The following LYZ variants were observed in gnomAD, a reference collection of about 807,000 sequenced individuals.
The protein encoded by LYZ is lysozyme C.
LYZ carries 18 observed loss-of-function variants against 15.8 expected under a neutral mutation model. That is an observed-to-expected ratio of 1.14 (90% CI 0.79 to 1.69). The LOEUF (loss-of-function observed/expected upper bound fraction) is 1.69. LYZ is among the 40% of genes most tolerant of loss of function. LYZ has a pLI of 0.00. For synonymous variants in LYZ, 60 were observed against 61.7 expected (o/e 0.97, Z 0.13); for missense variants, 139 against 182.8 (o/e 0.76, Z 1.38).
In LYZ at chr12:69,352,218, A is replaced by G; in HGVS notation, c.302-2A>G. 1 of 1,612,228 alleles carries G rather than the reference A, an allele frequency of 6.2e-7. No homozygotes were observed. The highest frequency in any genetic ancestry group is 8.5e-7 in the Non-Finnish European group (1 of 1,178,304). On this transcript the variant is annotated splice_acceptor_variant, in intron 2 of 3. Transcript: ENST00000261267. LOFTEE classifies it high-confidence loss of function. ...TTTTATTCCTTACCACCTGTCTTTC[A>G]GCTTTGCTGCAAGATAACATCGCTG...
At chr12:69,350,814 A>C (rs905538267) in intron 2 of LYZ, among the ~76,000 whole-genome samples, 6 of 121,896 alleles carry the variant, frequency 4.9e-5, no homozygotes, top group African/African-American at 1.9e-4. Flanking sequence ...ATTTTGAGAC[A>C]GGGTCTCCCT....
chr12:69,350,351 G>C, intron 2 of LYZ, 79 bp downstream of exon 2: 1 of 1,431,926 alleles, frequency 7.0e-7, no homozygotes, highest in Non-Finnish European at 9.8e-7. Flanking sequence ...AGCCTTGAAA[G>C]GTTCATGAGG....
At position 69,353,170 on chromosome 12, in the gene LYZ, G is replaced by A. The variant is rs570121782; in HGVS notation, c.398G>A (p.Arg133His). ...GIRAWVAWRN[R>H]CQNRDVRQYV... Reference sequence around the variant, plus strand: ...TTCTACAGGGTGGCATGGAGAAATCGTTGTCAAAACAGAGATGTCCGTCAG... The same window carrying A: ...TTCTACAGGGTGGCATGGAGAAATCATTGTCAAAACAGAGATGTCCGTCAG... Residue 133 changes from arginine (R) to histidine (H), a missense_variant, in exon 4 of 4, where the codon CGT becomes CAT. Physicochemically the swap from Arg to His is conservative, Grantham distance 29. Coordinates refer to ENST00000261267, the MANE Select transcript of LYZ (RefSeq NM_000239.3). 23 of 1,613,974 alleles carry A rather than the reference G, an allele frequency of 1.4e-5. No individual in the cohort carries two copies. Among genetic ancestry groups the A allele is most frequent in the South Asian group, 1.3e-4 (12 of 91,082 alleles).
rs1874877283 is a variant in LYZ, at chr12:69,353,026, T to TA, written c.381-126dup. ...CATATCTTCATTTAATAAATAGCAATAGCTGGGTCTATCTTACTATTTTAT... is the reference window on the plus strand; with the variant it reads ...CATATCTTCATTTAATAAATAGCAATAAGCTGGGTCTATCTTACTATTTTAT... On this transcript the variant is annotated intron_variant, in intron 3 of 3. Transcript: ENST00000261267. 17 of 744,360 alleles carry TA rather than the reference T, an allele frequency of 2.3e-5. 1 individual carries two copies. The highest frequency in any genetic ancestry group is 2.1e-4 in the South Asian group (15 of 69,846). 46.1% of individuals were successfully genotyped at this position (744,360 alleles called of 1,614,324 possible). A position where few individuals can be genotyped will look rare whatever the true frequency, so the allele number is the denominator to read the frequency against.
rs367941288 is a variant in LYZ at position 69,351,429 on chromosome 12, C to A, written c.302-791C>A. On this transcript the variant is annotated intron_variant, in intron 2 of 3. Coordinates refer to ENST00000261267, the MANE Select transcript of LYZ (RefSeq NM_000239.3). Reference sequence around the variant, plus strand: ...GTCATTAAATAAAAATTAGAAAATACAAATAAGAAAAATAACACCCATAAT... The same window carrying A: ...GTCATTAAATAAAAATTAGAAAATAAAAATAAGAAAAATAACACCCATAAT... Among the ~76,000 whole-genome samples the A allele has an allele frequency of 2.0e-5, 3 of 151,560 alleles. No individual in the cohort carries two copies. The East Asian group carries it at 5.8e-4, about 29-fold the overall frequency.
intron 1 of LYZ, among the ~76,000 whole-genome samples, chr12:69,349,793 A>AT (rs1209061707): frequency 1.3e-5 from 2 of 152,128 alleles, no homozygotes; most frequent in Non-Finnish European, 2.9e-5. Context: ...AGCTCTGTTG[A>AT]TTTTTCTGTT....
In LYZ at chr12:69,352,302, T is replaced by C. The variant is rs1356683978; in HGVS notation, c.380+4T>C. On this transcript the variant is annotated splice_donor_region_variant and intron_variant, in intron 3 of 3. Coordinates refer to ENST00000261267, the MANE Select transcript of LYZ (RefSeq NM_000239.3). The stretch of plus-strand genomic sequence containing the variant: ...ATCCACAAGGCATTAGAGCATGGTA[T>C]GTTTTAAGTGTTAAAAGGGAAAACT... The C allele has an allele frequency of 2.5e-6, 4 of 1,609,242 alleles. No individual in the cohort carries two copies. Among genetic ancestry groups the C allele is most frequent in the South Asian group, 1.1e-5 (1 of 90,968 alleles).
At chr12:69,349,217 G>T (rs940185028) in intron 1 of LYZ, among the ~76,000 whole-genome samples, 1 of 152,126 alleles carries the variant, frequency 6.6e-6, no homozygotes, top group South Asian at 2.1e-4. Flanking sequence ...TGGCCAAGCT[G>T]GTCTTGAACT....
rs757816962 is a variant in LYZ, at chr12:69,353,262, T to G, written c.*43T>G. The G allele has an allele frequency of 2.5e-5, 35 of 1,416,842 alleles. No homozygotes were observed. In the East Asian group the frequency reaches 7.7e-4, roughly 31 times the overall value. 87.8% of individuals were successfully genotyped at this position (1,416,842 alleles called of 1,614,324 possible). A position where few individuals can be genotyped will look rare whatever the true frequency, so the allele number is the denominator to read the frequency against. ...TTCAGCTCATTTTGTCTCTCTCACA[T>G]TAAGGGAGTAGGAATTAAGTGAAAG... On this transcript the variant is annotated 3_prime_UTR_variant, in exon 4 of 4. Coordinates refer to ENST00000261267, the MANE Select transcript of LYZ (RefSeq NM_000239.3).
intron 1 of LYZ, among the ~76,000 whole-genome samples, chr12:69,348,901 T>C (rs1004884308): frequency 3.3e-5 from 5 of 152,204 alleles, no homozygotes; most frequent in Non-Finnish European, 7.3e-5. Flanking sequence ...CTCCAGTTAT[T>C]TCCCATTTTG....
At chr12:69,349,621 T>C (rs1269139558) in intron 1 of LYZ, among the ~76,000 whole-genome samples, 3 of 152,212 alleles carry the variant, frequency 2.0e-5, no homozygotes, top group Non-Finnish European at 4.4e-5. Context: ...AGGGATGAAA[T>C]CACGGAATAG....
rs767804731 is a variant in LYZ, at chr12:69,352,288, A to G, written c.370A>G (p.Ile124Val). 4 of 1,612,850 alleles carry G rather than the reference A, an allele frequency of 2.5e-6. No individual in the cohort carries two copies. Among genetic ancestry groups the G allele is most frequent in the Admixed American group, 3.3e-5 (2 of 60,002 alleles). Reference sequence around the variant, plus strand: ...GAGGGTTGTCCGTGATCCACAAGGCATTAGAGCATGGTATGTTTTAAGTGT... The same window carrying G: ...GAGGGTTGTCCGTGATCCACAAGGCGTTAGAGCATGGTATGTTTTAAGTGT... Reference protein sequence around the residue: ...AKRVVRDPQGIRAWVAWRNRC... With the variant: ...AKRVVRDPQGVRAWVAWRNRC... Residue 124 changes from isoleucine (I) to valine (V), a missense_variant, in exon 3 of 4, where the codon ATT becomes GTT. By Grantham distance (29) the Ile-to-Val change is conservative. Coordinates refer to ENST00000261267, the MANE Select transcript of LYZ (RefSeq NM_000239.3).
At position 69,348,392 on chromosome 12, in the gene LYZ, C is replaced by T. The variant is rs1874770427; in HGVS notation, c.-17C>T. On this transcript the variant is annotated 5_prime_UTR_variant, in exon 1 of 4. Coordinates refer to ENST00000261267, the MANE Select transcript of LYZ (RefSeq NM_000239.3). ...AGCTCACCCTGGTCAGCCTAGCACT[C>T]TGACCTAGCAGTCAACATGAAGGCT... The T allele has an allele frequency of 6.2e-7, 1 of 1,614,048 alleles. No homozygotes were observed. The highest frequency in any genetic ancestry group is 1.1e-5 in the South Asian group (1 of 91,080).
intron 1 of LYZ, 147 bp from the exon 2 acceptor site, chr12:69,349,961 C>A: frequency 2.9e-6 from 2 of 679,098 alleles, no homozygotes; most frequent in Non-Finnish European, 5.1e-6. Context: ...CTTATCTTAA[C>A]ACTAAAGTGC....
At chr12:69,352,440 C>T in intron 3 of LYZ, 142 bp downstream of exon 3, 1 of 630,872 alleles carries the variant, frequency 1.6e-6, no homozygotes, top group Non-Finnish European at 2.8e-6. Flanking sequence ...GTATTACCTA[C>T]ATCCTTGAAG....
chr12:69,352,431 T>C, intron 3 of LYZ, 133 bp downstream of exon 3: 1 of 654,762 alleles, frequency 1.5e-6, no homozygotes. Flanking sequence ...CTAAATGATG[T>C]ATTACCTACA....
chr12:69,350,309 T>C (rs771942161), intron 2 of LYZ, 37 bp downstream of exon 2: 1 of 1,609,256 alleles, frequency 6.2e-7, no homozygotes, highest in Non-Finnish European at 8.5e-7. Context: ...CTGGTTATAC[T>C]TACAAGAATT....
chr12:69,353,083 G>A, intron 3 of LYZ, 70 bp from the exon 4 acceptor site: 1 of 1,031,334 alleles, frequency 9.7e-7, no homozygotes, highest in Non-Finnish European at 1.5e-6. Flanking sequence ...TCCCCAAGGA[G>A]TGCGAAGTAT....
intron 3 of LYZ, among the ~76,000 whole-genome samples, chr12:69,352,601 C>G (rs1224970758): frequency 6.6e-5 from 10 of 152,214 alleles, no homozygotes; most frequent in Admixed American, 6.5e-4. Flanking sequence ...GGGCCGGGCA[C>G]AGTGGCTCAC....
Sources: gnomAD v4.1 joint callset for allele counts (sites outside exome capture counted in the v4.1 genomes callset) on GRCh38, gnomAD v4.1.1 for gene constraint, MANE v1.5 for transcripts, NCBI Gene and HGNC (gene_info 2026-07-23, HGNC 2026-07-21) for gene names.